The following ARFGEF3 variants were observed in gnomAD, a reference collection of about 807,000 sequenced individuals.
ARFGEF3 encodes the protein ARFGEF family member 3, also known as brefeldin A-inhibited guanine nucleotide-exchange protein 3.
ARFGEF3 carries 96 observed loss-of-function variants against 221.7 expected under a neutral mutation model. That is an observed-to-expected ratio of 0.43 (90% CI 0.37 to 0.51). The LOEUF is 0.51. Ranked by LOEUF, ARFGEF3 falls within the 20% of genes least tolerant of loss-of-function variation. ARFGEF3 has a pLI of 0.00. For synonymous variants in ARFGEF3, 1,145 were observed against 1,126.8 expected, an observed-to-expected ratio of 1.02 and a Z score of -0.32; for missense variants, 2,410 against 2,789.9, an observed-to-expected ratio of 0.86 and a Z score of 3.07.
At chr6:138,264,495 T>C (rs1385421095) in intron 12 of ARFGEF3, among the ~76,000 whole-genome samples, 6 of 152,216 alleles carry the variant, frequency 3.9e-5, no homozygotes, top group Non-Finnish European at 8.8e-5. Context: ...CCTAAGCCTG[T>C]GCTCAGATCC....
rs374956150 is a variant in ARFGEF3 at position 138,289,961 on chromosome 6, G to A, written c.3040G>A (p.Val1014Met). Residue 1014 changes from valine (V) to methionine (M), a missense_variant, in exon 18 of 34, where the codon GTG becomes ATG. By Grantham distance (21) the Val-to-Met change is conservative. This residue lies in a region of ARFGEF3 where 594 missense variants were observed against 734.3 expected (regional missense o/e 0.81). Coordinates refer to ENST00000251691, the MANE Select transcript of ARFGEF3 (RefSeq NM_020340.5). ...GSHNPDCWPHVFRVCEYVGTL... is the reference protein window; with the variant it reads ...GSHNPDCWPHMFRVCEYVGTL... ...CCACAACCCGGACTGCTGGCCACAC[G>A]TGTTCAGGTGCATGACGGGCTCCCA... 1.2e-5 allele frequency: 19 copies of A among 1,609,414 alleles called. No individual in the cohort carries two copies. The highest frequency in any genetic ancestry group is 8.9e-5 in the East Asian group (4 of 44,720).
chr6:138,229,626 C>T (rs1374419929), intron 4 of ARFGEF3, among the ~76,000 whole-genome samples, 158 bp from the exon 5 acceptor site: 2 of 152,086 alleles, frequency 1.3e-5, no homozygotes, highest in Non-Finnish European at 2.9e-5. Context: ...CATGTGGCCA[C>T]TAATGAGAAA....
At chr6:138,290,671 A>G (rs1410115645) in intron 18 of ARFGEF3, among the ~76,000 whole-genome samples, 1 of 152,202 alleles carries the variant, frequency 6.6e-6, no homozygotes, top group Admixed American at 6.5e-5. Context: ...AGCACTGCCC[A>G]TGGAACAGGG....
At chr6:138,278,262 G>A (rs1779133439) in intron 12 of ARFGEF3, among the ~76,000 whole-genome samples, 189 bp from the exon 13 acceptor site, 1 of 152,220 alleles carries the variant, frequency 6.6e-6, no homozygotes, top group South Asian at 2.1e-4. Flanking sequence ...CCACTCCTGA[G>A]CGCATGCTCT....
At chr6:138,285,588 G>A (rs908576316) in intron 14 of ARFGEF3, among the ~76,000 whole-genome samples, 3 of 152,072 alleles carry the variant, frequency 2.0e-5, no homozygotes, top group Admixed American at 2.0e-4. Flanking sequence ...TCACATCTGG[G>A]TAACCTGTAC....
At chr6:138,307,908 AG>A (rs1779755687) in intron 23 of ARFGEF3, among the ~76,000 whole-genome samples, 1 of 152,194 alleles carries the variant, frequency 6.6e-6, no homozygotes, top group Admixed American at 6.5e-5. Flanking sequence ...TTTATTACAC[AG>A]CTCGTGACTA....
chr6:138,272,779 GGTGTAAGA>G (rs1397680401), intron 12 of ARFGEF3, among the ~76,000 whole-genome samples: 1 of 152,194 alleles, frequency 6.6e-6, no homozygotes, highest in African/African-American at 2.4e-5. Context: ...GCTGAGAGTG[GGTGTAAGA>G]GTGCTCTTGT....
chr6:138,286,323 A>G (rs1212324126), intron 15 of ARFGEF3, among the ~76,000 whole-genome samples: 1 of 151,928 alleles, frequency 6.6e-6, no homozygotes, highest in Admixed American at 6.6e-5. Flanking sequence ...GGTGGTGGGC[A>G]CCTGTAGTCC....
intron 26 of ARFGEF3, 109 bp downstream of exon 26, chr6:138,314,048 T>G (rs772504835): frequency 1.8e-4 from 215 of 1,164,452 alleles, no homozygotes; most frequent in Admixed American, 4.1e-4. Context: ...TTAGTCCATT[T>G]TGTGCTGCTA....
rs771734197 is a variant in ARFGEF3, at chr6:138,207,039, C to A, written c.138-3C>A. 1.7e-5 allele frequency: 27 copies of A among 1,605,838 alleles called. No homozygotes were observed. The South Asian group carries it at 2.7e-4, about 16-fold the overall frequency. On this transcript the variant is annotated splice_region_variant and splice_polypyrimidine_tract_variant and intron_variant, in intron 2 of 33. Coordinates refer to ENST00000251691, the MANE Select transcript of ARFGEF3 (RefSeq NM_020340.5). The stretch of plus-strand genomic sequence containing the variant: ...ATGTTGTCCTTATTTTTGTGTTTGC[C>A]AGGGAGAAATGCCTGCTGCCTCTCC...
intron 20 of ARFGEF3, among the ~76,000 whole-genome samples, chr6:138,295,543 T>C (rs1242803358): frequency 4.6e-5 from 7 of 150,736 alleles, no homozygotes; most frequent in African/African-American, 1.7e-4. Context: ...GACAGGAGAA[T>C]TGCTTGAACC....
intron 20 of ARFGEF3, 31 bp from the exon 21 acceptor site, chr6:138,296,779 T>C: frequency 6.2e-7 from 1 of 1,607,586 alleles, no homozygotes. Context: ...AGTTTTGGCT[T>C]TCTGGCATTT....
intron 1 of ARFGEF3, among the ~76,000 whole-genome samples, chr6:138,163,817 A>G (rs1317425546): frequency 6.6e-6 from 1 of 152,226 alleles, no homozygotes; most frequent in African/African-American, 2.4e-5. Context: ...ACAGAAGTGC[A>G]TGAAATAGTT....
intron 17 of ARFGEF3, 39 bp downstream of exon 17, chr6:138,287,223 G>T (rs1044215246): frequency 6.7e-7 from 1 of 1,485,610 alleles, no homozygotes; most frequent in Non-Finnish European, 9.2e-7. Context: ...GGTGCCTTGG[G>T]TGCAGTATGC....
chr6:138,287,521 C>T (rs1467429322), intron 17 of ARFGEF3, among the ~76,000 whole-genome samples: 7 of 152,154 alleles, frequency 4.6e-5, no homozygotes, highest in Non-Finnish European at 7.3e-5. Context: ...GAAGACCCTT[C>T]GGGTTATAGT....
In ARFGEF3 at chr6:138,162,033, G is replaced by T; in HGVS notation, c.-54G>T. 1 of 1,379,346 alleles carries T rather than the reference G, an allele frequency of 7.2e-7. No homozygotes were observed. The highest frequency in any genetic ancestry group is 9.8e-7 in the Non-Finnish European group (1 of 1,022,474). 85.4% of individuals were successfully genotyped at this position (1,379,346 alleles called of 1,614,324 possible). ...AGGCAGCGGCGGCTTCCCCGGCCCG[G>T]CTCGCCCGCGCTTCTCTCCCTGTGG... On this transcript the variant is annotated 5_prime_UTR_variant, in exon 1 of 34. Transcript: ENST00000251691. The surrounding 1 kb of genome is among the most constrained non-coding windows in gnomAD (Gnocchi z 4.7).
chr6:138,256,283 C>T (rs1778679128), intron 10 of ARFGEF3, among the ~76,000 whole-genome samples: 1 of 152,132 alleles, frequency 6.6e-6, no homozygotes, highest in African/African-American at 2.4e-5. Context: ...TTGCAATAGC[C>T]ATCCCAGTGT....
intron 2 of ARFGEF3, among the ~76,000 whole-genome samples, chr6:138,192,921 T>A (rs1777336467): frequency 6.6e-6 from 1 of 152,216 alleles, no homozygotes; most frequent in African/African-American, 2.4e-5. Context: ...ATTTTTTTTT[T>A]ATGATAGTCT....
intron 2 of ARFGEF3, among the ~76,000 whole-genome samples, chr6:138,180,108 C>T (rs778621095): frequency 1.3e-5 from 2 of 152,202 alleles, no homozygotes; most frequent in Non-Finnish European, 2.9e-5. Context: ...CCACCAATGC[C>T]TATCAGTTTT....
Sources: gnomAD v4.1 joint callset for allele counts (sites outside exome capture counted in the v4.1 genomes callset) on GRCh38, gnomAD v4.1.1 for gene constraint, gnomAD v4.1.1 regional missense constraint, Gnocchi (gnomAD v3.1) non-coding constraint, MANE v1.5 for transcripts, NCBI Gene and HGNC (gene_info 2026-07-23, HGNC 2026-07-21) for gene names.